Variants in GPD2 observed in about 807,000 individuals in gnomAD.
The protein encoded by GPD2 is glycerol-3-phosphate dehydrogenase, mitochondrial.
GPD2 carries 54 observed loss-of-function variants against 82.4 expected under a neutral mutation model. The observed-to-expected ratio is 0.66, with a 90% CI of 0.53 to 0.82. GPD2 has a LOEUF of 0.82. GPD2 is among the 40% of genes least tolerant of loss of function. The probability of loss-of-function intolerance (pLI) is 0.00; values close to 1 mark genes in which losing one functional copy is unlikely to be tolerated. For missense variants in GPD2, 748 were observed against 896.2 expected, an observed-to-expected ratio of 0.83 and a Z score of 2.11; for synonymous variants, 288 against 306.1, an observed-to-expected ratio of 0.94 and a Z score of 0.62.
At position 156,476,167 on chromosome 2, in the gene GPD2, T is replaced by C. The variant is rs140558577; in HGVS notation, c.62T>C (p.Val21Ala). The C allele has an allele frequency of 2.5e-5, 40 of 1,608,736 alleles. No individual in the cohort carries two copies. In the African/African-American group the frequency reaches 5.2e-4, roughly 21 times the overall value. ...GTTGGAGGAGGTGCTCTTGCAACTGTTTTAGGACTTTCTCAGTTTGCTCAT... is the reference window on the plus strand; with the variant it reads ...GTTGGAGGAGGTGCTCTTGCAACTGCTTTAGGACTTTCTCAGTTTGCTCAT... ...ILVGGGALAT[V>A]LGLSQFAHYR... Residue 21 changes from valine (V) to alanine (A), a missense_variant, in exon 2 of 17, where the codon GTT (valine) becomes GCT (alanine). This residue lies in a region of GPD2 where 692 missense variants were observed against 809.7 expected (regional missense o/e 0.85). Transcript: ENST00000438166.
chr2:156,480,566 G>T (rs1221446552), intron 2 of GPD2, among the ~76,000 whole-genome samples: 1 of 152,022 alleles, frequency 6.6e-6, no homozygotes, highest in Non-Finnish European at 1.5e-5. Context: ...CGGGTCAGAA[G>T]AGTGGTCTTT....
chr2:156,480,995 G>A (rs893381540), intron 2 of GPD2, among the ~76,000 whole-genome samples: 15 of 151,582 alleles, frequency 9.9e-5, no homozygotes, highest in African/African-American at 3.6e-4. Context: ...TTAGAATCAG[G>A]GAAGTAAGAA....
At chr2:156,571,884 A>G (rs1162497674) in intron 13 of GPD2, among the ~76,000 whole-genome samples, 7 of 152,116 alleles carry the variant, frequency 4.6e-5, no homozygotes, top group South Asian at 4.1e-4. Flanking sequence ...GCATTTTTAT[A>G]TATTCATAAA....
intron 8 of GPD2, among the ~76,000 whole-genome samples, chr2:156,551,604 G>C (rs2105336933): frequency 6.6e-6 from 1 of 152,232 alleles, no homozygotes; most frequent in South Asian, 2.1e-4. Flanking sequence ...TTATGGCATT[G>C]TTTGTAGTTG....
At chr2:156,450,707 G>C (rs298238) in intron 1 of GPD2, among the ~76,000 whole-genome samples, 3 of 68,124 alleles carry the variant, frequency 4.4e-5, no homozygotes, top group Non-Finnish European at 5.6e-5. Context: ...GGTGTTTCTC[G>C]CAGAGGGGGA....
the GPD2 span, among the ~76,000 whole-genome samples, chr2:156,403,708 T>A: frequency 6.6e-6 from 1 of 152,126 alleles, no homozygotes; most frequent in Non-Finnish European, 1.5e-5. Flanking sequence ...GTTCTATAGA[T>A]AATCAATACT....
At chr2:156,494,305 T>C (rs1488945405) in intron 2 of GPD2, among the ~76,000 whole-genome samples, 1 of 152,218 alleles carries the variant, frequency 6.6e-6, no homozygotes, top group African/African-American at 2.4e-5. Flanking sequence ...TACCAGTGAC[T>C]TTCAGATTAT....
At chr2:156,413,764 C>T in the GPD2 span, among the ~76,000 whole-genome samples, 981 of 140,916 alleles carry the variant, frequency 7.0e-3, 3 homozygotes, top group Middle Eastern at 0.047. Context: ...ATTAGCCAGG[C>T]GTGGTGGCGC....
intron 1 of GPD2, among the ~76,000 whole-genome samples, chr2:156,437,700 TAG>T (rs1682000971): frequency 6.6e-6 from 1 of 152,228 alleles, no homozygotes; most frequent in African/African-American, 2.4e-5. Context: ...TCATAGCTTA[TAG>T]AGTCACTTTA....
chr2:156,524,827 A>C (rs1010949694), intron 6 of GPD2, among the ~76,000 whole-genome samples: 8 of 152,232 alleles, frequency 5.3e-5, no homozygotes, highest in African/African-American at 1.9e-4. Context: ...TGTTTTGTCA[A>C]AAATACTTTA....
chr2:156,474,218 A>T (rs903454011), intron 1 of GPD2, among the ~76,000 whole-genome samples: 3 of 152,176 alleles, frequency 2.0e-5, no homozygotes, highest in Admixed American at 6.5e-5. Flanking sequence ...AAAAAATTTT[A>T]AAAATGCCAC....
At chr2:156,563,271 G>A (rs2105354480) in intron 9 of GPD2, among the ~76,000 whole-genome samples, 1 of 152,182 alleles carries the variant, frequency 6.6e-6, no homozygotes, top group Non-Finnish European at 1.5e-5. Flanking sequence ...TACAGTATTT[G>A]GGGTATTGAA....
intron 3 of GPD2, among the ~76,000 whole-genome samples, chr2:156,508,152 G>C (rs1349149036): frequency 1.3e-5 from 2 of 151,952 alleles, no homozygotes; most frequent in Non-Finnish European, 2.9e-5. Flanking sequence ...CCTTAGCTGG[G>C]TACTGTGGCT....
chr2:156,532,767 G>T (rs1685916563), intron 6 of GPD2, among the ~76,000 whole-genome samples: 1 of 152,176 alleles, frequency 6.6e-6, no homozygotes, highest in Admixed American at 6.5e-5. Context: ...AGGACATTGG[G>T]TAGTAGAGGG....
intron 9 of GPD2, among the ~76,000 whole-genome samples, chr2:156,560,302 G>C (rs74887584): frequency 5.5e-5 from 1 of 18,064 alleles, no homozygotes; most frequent in South Asian, 1.9e-3. Flanking sequence ...GGCATACCTG[G>C]TTGGTCCATA....
chr2:156,405,944 A>G, the GPD2 span, among the ~76,000 whole-genome samples: 2 of 152,194 alleles, frequency 1.3e-5, no homozygotes, highest in African/African-American at 2.4e-5. Context: ...AGCTGGTGTT[A>G]GCTCATCATA....
At chr2:156,551,294 T>C (rs543241467) in intron 8 of GPD2, among the ~76,000 whole-genome samples, 2 of 152,256 alleles carry the variant, frequency 1.3e-5, no homozygotes, top group South Asian at 4.1e-4. Flanking sequence ...GGAGTAGAGA[T>C]AAAATAAGAA....
intron 3 of GPD2, among the ~76,000 whole-genome samples, chr2:156,501,119 A>C (rs1299883694): frequency 6.6e-6 from 1 of 150,948 alleles, no homozygotes; most frequent in Non-Finnish European, 1.5e-5. Flanking sequence ...TATCTAGTAC[A>C]TTTTTGGTTT....
chr2:156,499,925 T>C (rs184594308), intron 3 of GPD2, among the ~76,000 whole-genome samples: 2 of 152,042 alleles, frequency 1.3e-5, no homozygotes, highest in South Asian at 2.1e-4. Context: ...CTTAGCAGTT[T>C]ATTACTATTT....
Sources: gnomAD v4.1 joint callset for allele counts (sites outside exome capture counted in the v4.1 genomes callset) on GRCh38, gnomAD v4.1.1 for gene constraint, gnomAD v4.1.1 regional missense constraint, MANE v1.5 for transcripts, NCBI Gene and HGNC (gene_info 2026-07-23, HGNC 2026-07-21) for gene names.